Variants in SCFD2 observed in about 807,000 individuals in gnomAD.
SCFD2 encodes the protein sec1 family domain containing 2.
In SCFD2, 54 loss-of-function variants were observed where a neutral mutation model predicts 58.9. The ratio of observed to expected loss-of-function variants is 0.92; its 90% CI spans 0.74 to 1.15. The LOEUF is 1.15. Among genes scored for constraint, SCFD2 ranks in the 50% most tolerant of loss-of-function variants. SCFD2 has a pLI of 0.00. For missense variants in SCFD2, 805 were observed against 836.6 expected (o/e 0.96, Z 0.47); for synonymous variants, 321 against 335.9 (o/e 0.96, Z 0.49).
chr4:53,195,292 T>C (rs1728028702), intron 4 of SCFD2, among the ~76,000 whole-genome samples: 1 of 152,178 alleles, frequency 6.6e-6, no homozygotes, highest in African/African-American at 2.4e-5. Flanking sequence ...GTAGTAGTAA[T>C]AGTATGTTAT....
At chr4:53,310,333 C>T (rs1231021016) in intron 3 of SCFD2, among the ~76,000 whole-genome samples, 1 of 152,110 alleles carries the variant, frequency 6.6e-6, no homozygotes. Flanking sequence ...GTTCTGTCAC[C>T]CATTAAACAC....
At chr4:53,185,731 TTAAC>T (rs1164465239) in intron 4 of SCFD2, among the ~76,000 whole-genome samples, 4 of 152,134 alleles carry the variant, frequency 2.6e-5, no homozygotes, top group African/African-American at 4.8e-5. Context: ...ATTACAATCT[TTAAC>T]TAAGGCTCTC....
chr4:53,029,474 G>A (rs1722562615), intron 5 of SCFD2, among the ~76,000 whole-genome samples: 1 of 152,088 alleles, frequency 6.6e-6, no homozygotes, highest in South Asian at 2.1e-4. Flanking sequence ...ACTCCACCTT[G>A]AAGACCTGTG....
At chr4:52,933,454 C>T (rs1720051263) in intron 5 of SCFD2, among the ~76,000 whole-genome samples, 1 of 152,202 alleles carries the variant, frequency 6.6e-6, no homozygotes, top group Admixed American at 6.5e-5. Flanking sequence ...TAGGCTTTCA[C>T]TTGTTTCTGT....
chr4:53,163,431 A>T (rs1435899698), intron 4 of SCFD2, among the ~76,000 whole-genome samples: 4 of 152,196 alleles, frequency 2.6e-5, no homozygotes. Context: ...GCATTTAAAA[A>T]GAGGAGAAGA....
chr4:53,006,974 A>C (rs1443962417), intron 5 of SCFD2, among the ~76,000 whole-genome samples: 1 of 151,970 alleles, frequency 6.6e-6, no homozygotes, highest in African/African-American at 2.4e-5. Context: ...AGACACTAGA[A>C]ATGCAGGTTT....
At chr4:53,265,442 TA>T (rs1184935470) in intron 4 of SCFD2, 1 of 152,236 alleles carries the variant, frequency 6.6e-6, no homozygotes, top group Non-Finnish European at 1.5e-5. Flanking sequence ...CTTTAATTTT[TA>T]CTTTTATTCT....
At chr4:53,012,109 G>T (rs1309527598) in intron 5 of SCFD2, among the ~76,000 whole-genome samples, 3 of 149,178 alleles carry the variant, frequency 2.0e-5, no homozygotes, top group Non-Finnish European at 4.4e-5. Context: ...CAGCAAGAAA[G>T]ATCCTGGCAG....
intron 4 of SCFD2, among the ~76,000 whole-genome samples, chr4:53,163,511 G>A (rs1726916912): frequency 6.6e-6 from 1 of 152,116 alleles, no homozygotes; most frequent in African/African-American, 2.4e-5. Flanking sequence ...ATCACTTGAG[G>A]TCAAGAGTTT....
At chr4:53,236,694 T>A (rs1032308953) in intron 4 of SCFD2, among the ~76,000 whole-genome samples, 11 of 150,588 alleles carry the variant, frequency 7.3e-5, no homozygotes, top group Non-Finnish European at 1.3e-4. Context: ...GGTTTAAAAA[T>A]AAGCAAATAC....
intron 2 of SCFD2, among the ~76,000 whole-genome samples, chr4:53,316,101 G>A (rs1158815944): frequency 6.6e-6 from 1 of 152,144 alleles, no homozygotes; most frequent in African/African-American, 2.4e-5. Context: ...TTACTGCCCT[G>A]CTTAAAAAAG....
Position 53,105,444 on chromosome 4 carries a change from T to C in SCFD2, c.1561+39889A>G, listed in dbSNP as rs1278537544. ...CATGCTAGGATCCACTGGCTTGAAA[T>C]TCTCACTGACAGCACAGCAGTCTGA... is the stretch of plus-strand genomic sequence containing the variant. On this transcript the variant is annotated intron_variant, in intron 5 of 8. Coordinates refer to ENST00000401642, the MANE Select transcript of SCFD2 (RefSeq NM_152540.4). 5.3e-5 allele frequency among the ~76,000 whole-genome samples: 8 copies of C among 151,928 alleles called. 1 individual carries two copies. Among genetic ancestry groups the C allele is most frequent in the Non-Finnish European group, 2.9e-5 (2 of 68,004 alleles).
intron 5 of SCFD2, among the ~76,000 whole-genome samples, chr4:53,136,603 A>G (rs1725950122): frequency 6.6e-6 from 1 of 152,246 alleles, no homozygotes; most frequent in Admixed American, 6.5e-5. Context: ...AAAAACTAGT[A>G]GTGTATCTGC....
At chr4:53,097,717 T>C (rs576396475) in intron 5 of SCFD2, among the ~76,000 whole-genome samples, 27 of 152,368 alleles carry the variant, frequency 1.8e-4, no homozygotes, top group African/African-American at 6.3e-4. Flanking sequence ...TTCTTTCTCC[T>C]GCCTGATTGC....
At chr4:52,907,856 G>C (rs529045834) in intron 6 of SCFD2, among the ~76,000 whole-genome samples, 3 of 152,074 alleles carry the variant, frequency 2.0e-5, no homozygotes, top group Non-Finnish European at 2.9e-5. Flanking sequence ...TATCTTACCA[G>C]AGCTATAATC....
intron 3 of SCFD2, among the ~76,000 whole-genome samples, chr4:53,308,068 G>C (rs1668380496): frequency 6.6e-6 from 1 of 152,170 alleles, no homozygotes; most frequent in South Asian, 2.1e-4. Flanking sequence ...TGAGAGACAA[G>C]AACTTAACAA....
At chr4:53,174,560 G>C (rs1727272351) in intron 4 of SCFD2, among the ~76,000 whole-genome samples, 1 of 152,104 alleles carries the variant, frequency 6.6e-6, no homozygotes, top group African/African-American at 2.4e-5. Context: ...TCATCTTTGT[G>C]CATTTAGCTC....
intron 5 of SCFD2, among the ~76,000 whole-genome samples, chr4:53,129,721 T>C (rs17082420): frequency 0.012 from 1,758 of 152,376 alleles, 45 homozygotes; most frequent in African/African-American, 0.04. Flanking sequence ...TCTCCTAGAA[T>C]GTGGGACATA....
At chr4:53,200,102 T>C (rs1728183814) in intron 4 of SCFD2, among the ~76,000 whole-genome samples, 2 of 152,062 alleles carry the variant, frequency 1.3e-5, no homozygotes, top group Non-Finnish European at 2.9e-5. Context: ...CTAATTACTA[T>C]CACAATCACA....
Sources: gnomAD v4.1 joint callset for allele counts (sites outside exome capture counted in the v4.1 genomes callset) on GRCh38, gnomAD v4.1.1 for gene constraint, MANE v1.5 for transcripts, NCBI Gene and HGNC (gene_info 2026-07-23, HGNC 2026-07-21) for gene names.